The following MAGI1 variants were observed in gnomAD, a reference collection of about 807,000 sequenced individuals.
The protein encoded by MAGI1 is membrane-associated guanylate kinase, WW and PDZ domain-containing protein 1.
A neutral mutation model predicts 139.9 loss-of-function variants in MAGI1; 58 were observed. The observed-to-expected ratio is 0.41, with a 90% CI of 0.34 to 0.52. The LOEUF (loss-of-function observed/expected upper bound fraction) is 0.52. Among genes scored for constraint, MAGI1 ranks in the 20% least tolerant of loss-of-function variants. The probability of loss-of-function intolerance (pLI) is 0.12; values close to 1 mark genes in which losing one functional copy is unlikely to be tolerated. For synonymous variants in MAGI1, 812 were observed against 737.9 expected (o/e 1.10, Z -1.63); for missense variants, 1,874 against 1,901.6 (o/e 0.99, Z 0.27).
intron 2 of MAGI1, among the ~76,000 whole-genome samples, chr3:65,509,477 G>A (rs2077464803): frequency 6.6e-6 from 1 of 152,194 alleles, no homozygotes. Context: ...GCAGGGTGAG[G>A]CACTGCCTCA....
At chr3:65,851,160 G>A (rs188463262) in intron 1 of MAGI1, among the ~76,000 whole-genome samples, 3 of 152,246 alleles carry the variant, frequency 2.0e-5, no homozygotes, top group African/African-American at 7.2e-5. Context: ...GTTCACTGCT[G>A]TATGCCTGGT....
chr3:66,016,083 T>C (rs1241339181), intron 1 of MAGI1, among the ~76,000 whole-genome samples: 2 of 152,222 alleles, frequency 1.3e-5, no homozygotes, highest in Non-Finnish European at 2.9e-5. Context: ...CCCAGAGTGT[T>C]AAAACAGAAG....
chr3:66,001,175 T>C (rs1380982321), intron 1 of MAGI1, among the ~76,000 whole-genome samples: 2 of 151,994 alleles, frequency 1.3e-5, no homozygotes, highest in African/African-American at 2.4e-5. Context: ...CTCAAGGCCA[T>C]GGTATTTGAG....
chr3:65,518,542 G>T (rs2107790315), intron 2 of MAGI1, among the ~76,000 whole-genome samples: 1 of 152,206 alleles, frequency 6.6e-6, no homozygotes, highest in East Asian at 1.9e-4. Context: ...ATCTCAGTGG[G>T]ATCCTGTACC....
At chr3:65,672,612 G>A (rs1052842350) in intron 1 of MAGI1, among the ~76,000 whole-genome samples, 1 of 152,008 alleles carries the variant, frequency 6.6e-6, no homozygotes, top group Non-Finnish European at 1.5e-5. Context: ...TGAATAGAAG[G>A]GTGTCTGTAA....
intron 2 of MAGI1, among the ~76,000 whole-genome samples, chr3:65,586,525 G>A (rs1271603548): frequency 2.0e-5 from 3 of 152,082 alleles, no homozygotes; most frequent in African/African-American, 7.2e-5. Context: ...ACCAAAAAGA[G>A]TAACTTTTGT....
chr3:65,590,008 G>GA (rs1204953289), intron 2 of MAGI1, among the ~76,000 whole-genome samples: 2 of 152,044 alleles, frequency 1.3e-5, no homozygotes, highest in Non-Finnish European at 2.9e-5. Flanking sequence ...TCCCTTCCCA[G>GA]AAACACCAGC....
At chr3:65,609,353 C>T (rs1274786917) in intron 2 of MAGI1, among the ~76,000 whole-genome samples, 2 of 151,762 alleles carry the variant, frequency 1.3e-5, no homozygotes, top group Non-Finnish European at 2.9e-5. Flanking sequence ...TGTTGACTCA[C>T]TGCAACCTCT....
chr3:65,772,945 G>A (rs956308684), intron 1 of MAGI1, among the ~76,000 whole-genome samples: 2 of 152,162 alleles, frequency 1.3e-5, no homozygotes, highest in East Asian at 1.9e-4. Context: ...AAGTTACCAG[G>A]AAGCACAGAG....
intron 1 of MAGI1, among the ~76,000 whole-genome samples, chr3:65,919,899 T>G (rs892346203): frequency 1.3e-5 from 2 of 152,138 alleles, no homozygotes; most frequent in African/African-American, 4.8e-5. Context: ...TCTTAACCCC[T>G]TTTAACTTTT....
At chr3:65,669,406 C>T (rs1576663362) in intron 1 of MAGI1, among the ~76,000 whole-genome samples, 1 of 152,114 alleles carries the variant, frequency 6.6e-6, no homozygotes, top group African/African-American at 2.4e-5. Context: ...CAAGTTTTCC[C>T]TGGCATTTTT....
chr3:65,791,009 A>T (rs1250714039), intron 1 of MAGI1, among the ~76,000 whole-genome samples: 1 of 152,192 alleles, frequency 6.6e-6, no homozygotes, highest in East Asian at 1.9e-4. Context: ...CAGGAAGCGG[A>T]GGTTGCAGTA....
At chr3:65,636,447 T>A (rs2084623338) in intron 1 of MAGI1, among the ~76,000 whole-genome samples, 1 of 152,144 alleles carries the variant, frequency 6.6e-6, no homozygotes, top group East Asian at 1.9e-4. Flanking sequence ...TATTCAAAAG[T>A]GATTATAAAT....
intron 1 of MAGI1, among the ~76,000 whole-genome samples, chr3:65,807,647 A>ATTTTATTAATCAGTTGATTG (rs2040946549): frequency 6.6e-6 from 1 of 152,198 alleles, no homozygotes; most frequent in Non-Finnish European, 1.5e-5. Flanking sequence ...GGAACCCAGC[A>ATTTTATTAATCAGTTGATTG]ACCGGCTATT....
chr3:65,463,552 C>A (rs1377513389), intron 5 of MAGI1, among the ~76,000 whole-genome samples: 1 of 126,302 alleles, frequency 7.9e-6, no homozygotes, highest in African/African-American at 3.2e-5. Flanking sequence ...GGGATATTGG[C>A]CTGAAATGTG....
intron 1 of MAGI1, among the ~76,000 whole-genome samples, chr3:65,810,541 C>T (rs114496898): frequency 0.016 from 2,499 of 152,354 alleles, 23 homozygotes; most frequent in Non-Finnish European, 0.025. Context: ...CGAACTCCAG[C>T]GTGGCTCCCT....
At chr3:65,442,701 G>A (rs184474317) in intron 8 of MAGI1, 91 bp downstream of exon 8, 19 of 823,538 alleles carry the variant, frequency 2.3e-5, no homozygotes, top group Middle Eastern at 2.3e-4. Context: ...ATTGGTTTGT[G>A]CCTTATAATG....
intron 12 of MAGI1, among the ~76,000 whole-genome samples, chr3:65,410,188 T>C (rs1467031728): frequency 3.3e-5 from 5 of 152,210 alleles, no homozygotes; most frequent in East Asian, 1.9e-4. Context: ...GTCATTGAAA[T>C]GATATGGATG....
chr3:65,474,728 T>C (rs149782081), intron 4 of MAGI1, among the ~76,000 whole-genome samples: 3 of 152,122 alleles, frequency 2.0e-5, no homozygotes, highest in Non-Finnish European at 4.4e-5. Flanking sequence ...AAATTATACA[T>C]GCTTTTAGGT....
Sources: gnomAD v4.1 joint callset for allele counts (sites outside exome capture counted in the v4.1 genomes callset) on GRCh38, gnomAD v4.1.1 for gene constraint, MANE v1.5 for transcripts, NCBI Gene and HGNC (gene_info 2026-07-23, HGNC 2026-07-21) for gene names.